The following CADPS2 variants were observed in gnomAD, a reference collection of about 807,000 sequenced individuals.
CADPS2 encodes the protein calcium dependent secretion activator 2, also known as calcium-dependent secretion activator 2.
A neutral mutation model predicts 172.5 loss-of-function variants in CADPS2; 93 were observed. The observed-to-expected ratio is 0.54, with a 90% confidence interval of 0.46 to 0.64. The LOEUF is 0.64. Ranked by LOEUF, CADPS2 falls within the 30% of genes least tolerant of loss-of-function variation. The pLI, the probability that CADPS2 is intolerant of heterozygous loss-of-function variation, is 0.00. For synonymous variants in CADPS2, 546 were observed against 555.2 expected (o/e 0.98, Z 0.23); for missense variants, 1,420 against 1,565.9 (o/e 0.91, Z 1.57).
intron 25 of CADPS2, chr7:122,368,243 CCTGGTTACTCTAG>C (rs1477702551): frequency 2.0e-5 from 3 of 152,322 alleles, no homozygotes; most frequent in African/African-American, 7.2e-5. Flanking sequence ...AGTTGCCCCA[CCTGGTTACTCTAG>C]CTGGACTCTA....
intron 1 of CADPS2, among the ~76,000 whole-genome samples, chr7:122,838,978 C>G (rs1327056595): frequency 6.6e-6 from 1 of 152,148 alleles, no homozygotes; most frequent in Non-Finnish European, 1.5e-5. Flanking sequence ...CAAGACAATC[C>G]TAAGCCAAAA....
chr7:122,835,992 T>C (rs926207782), intron 1 of CADPS2, among the ~76,000 whole-genome samples: 18 of 151,640 alleles, frequency 1.2e-4, no homozygotes, highest in African/African-American at 3.9e-4. Flanking sequence ...TTCACCAAAG[T>C]TGAAATGAAG....
At chr7:122,501,747 C>T (rs1239140862) in intron 9 of CADPS2, among the ~76,000 whole-genome samples, 5 of 151,266 alleles carry the variant, frequency 3.3e-5, no homozygotes, top group South Asian at 2.1e-4. Flanking sequence ...TGGTGGCACA[C>T]GCCTGTAGTC....
chr7:122,640,296 C>T (rs1237535694), intron 3 of CADPS2, among the ~76,000 whole-genome samples: 1 of 152,168 alleles, frequency 6.6e-6, no homozygotes, highest in Non-Finnish European at 1.5e-5. Flanking sequence ...TTTCCCTCTT[C>T]TGCACCCCCT....
intron 17 of CADPS2, among the ~76,000 whole-genome samples, chr7:122,435,071 T>A (rs941151326): frequency 6.6e-6 from 1 of 152,176 alleles, no homozygotes; most frequent in African/African-American, 2.4e-5. Flanking sequence ...CTACAAAGTA[T>A]TAGCAATCAT....
At chr7:122,370,823 T>C (rs994913023) in intron 25 of CADPS2, among the ~76,000 whole-genome samples, 2 of 152,174 alleles carry the variant, frequency 1.3e-5, no homozygotes, top group African/African-American at 4.8e-5. Flanking sequence ...TTGGAATAGC[T>C]AGAGTTTAAG....
At chr7:122,843,244 T>C (rs1367482743) in intron 1 of CADPS2, among the ~76,000 whole-genome samples, 1 of 152,190 alleles carries the variant, frequency 6.6e-6, no homozygotes, top group African/African-American at 2.4e-5. Context: ...GCTTTTTTTT[T>C]TGGCTTTCCT....
intron 28 of CADPS2, chr7:122,332,090 T>G (rs185336538): frequency 1.2e-4 from 18 of 152,294 alleles, no homozygotes; most frequent in African/African-American, 3.8e-4. Flanking sequence ...CCCATTCAAT[T>G]TTTTTTGCAG....
At chr7:122,583,514 GTA>G (rs1172057038) in intron 6 of CADPS2, among the ~76,000 whole-genome samples, 1 of 151,516 alleles carries the variant, frequency 6.6e-6, no homozygotes, top group African/African-American at 2.4e-5. Context: ...TAGGTTTTCA[GTA>G]GTCTTTTATA....
In CADPS2 at chr7:122,488,291, C is replaced by A. The variant is rs564892533; in HGVS notation, c.1852+1790G>T. ...TACCCGGGGTTGAGGGAGTCTTATA[C>A]TTTGATGCCCAATGCAGGCACAGTC... On this transcript the variant is annotated intron_variant, in intron 11 of 29. Coordinates refer to ENST00000449022, the MANE Select transcript of CADPS2 (RefSeq NM_017954.11). Among the ~76,000 whole-genome samples the A allele has an allele frequency of 1.3e-3, 199 of 152,302 alleles. 1 individual carries two copies. Among genetic ancestry groups the A allele is most frequent in the African/African-American group, 4.5e-3 (187 of 41,572 alleles).
At chr7:122,487,011 CTTT>C (rs535575706) in intron 11 of CADPS2, among the ~76,000 whole-genome samples, 10,134 of 123,034 alleles carry the variant, frequency 0.082, 374 homozygotes, top group African/African-American at 0.16. Context: ...ATAAACATAA[CTTT>C]TTTTTTTTTT....
intron 1 of CADPS2, among the ~76,000 whole-genome samples, chr7:122,785,580 G>C (rs1394434752): frequency 2.0e-5 from 3 of 152,150 alleles, no homozygotes; most frequent in Admixed American, 2.0e-4. Flanking sequence ...TTCCCCTTCA[G>C]AAATAGCAGT....
intron 24 of CADPS2, among the ~76,000 whole-genome samples, chr7:122,385,632 T>C (rs1416879029): frequency 1.3e-5 from 2 of 152,056 alleles, no homozygotes; most frequent in African/African-American, 4.8e-5. Context: ...ACCTTGTACC[T>C]CAGGGATTCT....
intron 1 of CADPS2, among the ~76,000 whole-genome samples, chr7:122,883,017 G>A (rs1823353038): frequency 1.3e-5 from 2 of 152,076 alleles, no homozygotes; most frequent in Admixed American, 1.3e-4. Context: ...TCAATCAGAG[G>A]GCTTGAATGT....
At chr7:122,652,932 T>C (rs1188955644) in intron 3 of CADPS2, among the ~76,000 whole-genome samples, 2 of 152,228 alleles carry the variant, frequency 1.3e-5, no homozygotes, top group Non-Finnish European at 2.9e-5. Flanking sequence ...CATGCCTTAA[T>C]GTTGATAATT....
chr7:122,798,584 G>A (rs1019122356), intron 1 of CADPS2, among the ~76,000 whole-genome samples: 6 of 152,006 alleles, frequency 3.9e-5, no homozygotes, highest in Non-Finnish European at 5.9e-5. Context: ...AATATTACAG[G>A]GAAATCTTTC....
chr7:122,380,374 T>C (rs758588840), intron 24 of CADPS2, among the ~76,000 whole-genome samples: 19 of 152,084 alleles, frequency 1.2e-4, no homozygotes, highest in Non-Finnish European at 2.2e-4. Flanking sequence ...GCTAACAAAA[T>C]GCATAGAGTA....
chr7:122,638,986 C>T (rs1446128200), intron 3 of CADPS2, among the ~76,000 whole-genome samples: 1 of 152,210 alleles, frequency 6.6e-6, no homozygotes, highest in Non-Finnish European at 1.5e-5. Context: ...TCCTACATGT[C>T]TTTTAGTAGC....
chr7:122,372,061 A>G (rs1250405596), intron 25 of CADPS2, among the ~76,000 whole-genome samples: 1 of 152,210 alleles, frequency 6.6e-6, no homozygotes, highest in African/African-American at 2.4e-5. Flanking sequence ...GTATTAACAT[A>G]CTTACTATTC....
Sources: allele counts gnomAD v4.1 joint callset (sites outside exome capture counted in the v4.1 genomes callset), GRCh38; gene constraint gnomAD v4.1.1; transcripts MANE v1.5; gene names NCBI Gene and HGNC (gene_info 2026-07-23, HGNC 2026-07-21).